NUP210L: variants seen among roughly 807,000 people sequenced by gnomAD.
NUP210L encodes nuclear pore membrane glycoprotein 210-like.
In NUP210L, 74 loss-of-function variants were observed where a neutral mutation model predicts 208.5. The ratio of observed to expected loss-of-function variants is 0.35; its 90% CI spans 0.29 to 0.43. The LOEUF is 0.43. Ranked by LOEUF, NUP210L falls within the 20% of genes least tolerant of loss-of-function variation. The probability of loss-of-function intolerance (pLI) is 1.00; values close to 1 mark genes in which losing one functional copy is unlikely to be tolerated. For missense variants in NUP210L, 1,843 were observed against 2,289.4 expected, an observed-to-expected ratio of 0.81 and a Z score of 3.98; for synonymous variants, 780 against 816.9, an observed-to-expected ratio of 0.95 and a Z score of 0.77.
intron 12 of NUP210L, among the ~76,000 whole-genome samples, chr1:154,108,458 GCA>G (rs1656881025): frequency 6.6e-6 from 1 of 151,966 alleles, no homozygotes; most frequent in Non-Finnish European, 1.5e-5. Context: ...ATGAGCCACT[GCA>G]ACCAGCCTAG....
chr1:154,113,178 AT>A (rs1657132834), intron 12 of NUP210L, among the ~76,000 whole-genome samples: 1 of 148,168 alleles, frequency 6.7e-6, no homozygotes, highest in South Asian at 2.1e-4. Context: ...ATATATATAT[AT>A]ATATAAAATT....
exon 22 of NUP210L, chr1:154,058,152 T>C: frequency 6.2e-7 from 1 of 1,614,166 alleles, no homozygotes. Context: ...GTATTTATTT[T>C]GGAATGGGCG....
chr1:154,144,288 A>C (rs1259382634), intron 2 of NUP210L, among the ~76,000 whole-genome samples: 1 of 152,150 alleles, frequency 6.6e-6, no homozygotes, highest in South Asian at 2.1e-4. Flanking sequence ...ATGGTAAAAA[A>C]TTTTCTTTTA....
intron 8 of NUP210L, among the ~76,000 whole-genome samples, chr1:154,128,198 G>A (rs145389109): frequency 3.9e-5 from 6 of 152,168 alleles, no homozygotes; most frequent in Non-Finnish European, 8.8e-5. Flanking sequence ...CTCTCAAATT[G>A]TATAAGGCTT....
intron 7 of NUP210L, 87 bp from the exon 8 acceptor site, chr1:154,129,432 T>C (rs1658139917): frequency 1.2e-6 from 1 of 831,988 alleles, no homozygotes; most frequent in Non-Finnish European, 2.0e-6. Flanking sequence ...AACAAACAAA[T>C]GCACAAATGA....
exon 15 of NUP210L, chr1:154,095,084 G>A (rs773571588): frequency 1.8e-5 from 29 of 1,613,944 alleles, no homozygotes; most frequent in Admixed American, 3.3e-5. Context: ...ATCCATGGAC[G>A]AGGACCCCCT....
chr1:154,129,204 T>C, intron 8 of NUP210L, 73 bp downstream of exon 8: 1 of 830,528 alleles, frequency 1.2e-6, no homozygotes, highest in Non-Finnish European at 2.0e-6. Flanking sequence ...GTTGAAGAAA[T>C]GCTGTATAAT....
At chr1:154,070,519 G>A (rs1303123547) in intron 16 of NUP210L, 54 bp from the exon 17 acceptor site, 1 of 1,177,416 alleles carries the variant, frequency 8.5e-7, no homozygotes, top group Non-Finnish European at 1.1e-6. Flanking sequence ...ATAGCCTAAG[G>A]GGTAGTAAGA....
At position 154,086,388 on chromosome 1, in the gene NUP210L, T is replaced by C. The variant is rs1334539376; in HGVS notation, c.2361+3033A>G. 2.6e-5 allele frequency among the ~76,000 whole-genome samples: 4 copies of C among 152,148 alleles called. No homozygotes were observed. The South Asian group carries it at 8.3e-4, about 31-fold the overall frequency. On this transcript the variant is annotated intron_variant, in intron 16 of 39. Transcript: ENST00000368559. ...AATAAATCAAAGGCATAAATCTTCATGCCCTTGGATTAGGCAATGATTTCT... is the reference window on the plus strand; with the variant it reads ...AATAAATCAAAGGCATAAATCTTCACGCCCTTGGATTAGGCAATGATTTCT...
chr1:154,016,293 G>A (rs1651243630), intron 33 of NUP210L, among the ~76,000 whole-genome samples: 1 of 151,698 alleles, frequency 6.6e-6, no homozygotes, highest in Admixed American at 6.6e-5. Context: ...CAAGCCCATA[G>A]TAGATACACA....
intron 24 of NUP210L, 71 bp downstream of exon 24, chr1:154,054,697 GGT>G (rs750808455): frequency 2.2e-4 from 232 of 1,038,452 alleles, no homozygotes; most frequent in Non-Finnish European, 2.8e-4. Context: ...TAGGAAGAGA[GGT>G]GTGTGTGTGT....
At chr1:154,118,157 A>C (rs1162085880) in intron 11 of NUP210L, among the ~76,000 whole-genome samples, 2 of 152,060 alleles carry the variant, frequency 1.3e-5, no homozygotes, top group Admixed American at 1.3e-4. Flanking sequence ...TAAAAATACA[A>C]AATTAGCTGG....
At chr1:154,112,592 A>G (rs1225564967) in intron 12 of NUP210L, among the ~76,000 whole-genome samples, 1 of 152,136 alleles carries the variant, frequency 6.6e-6, no homozygotes, top group Non-Finnish European at 1.5e-5. Flanking sequence ...GTACACCTGA[A>G]GATTAAAAAT....
chr1:154,103,977 A>T (rs368592330), intron 13 of NUP210L, 35 bp downstream of exon 13: 23 of 1,504,434 alleles, frequency 1.5e-5, no homozygotes, highest in Non-Finnish European at 2.0e-5. Flanking sequence ...ATAAATAAAG[A>T]CAAAGGAAGG....
At chr1:154,107,346 C>A (rs915389758) in intron 12 of NUP210L, among the ~76,000 whole-genome samples, 2 of 151,664 alleles carry the variant, frequency 1.3e-5, no homozygotes, top group African/African-American at 4.8e-5. Flanking sequence ...TGTTGGCGGG[C>A]GCCTGTAGTC....
At position 153,992,719 on chromosome 1, in the gene NUP210L, T is replaced by C. The variant is rs1649530585; in HGVS notation, c.*116A>G. On this transcript the variant is annotated 3_prime_UTR_variant, in exon 40 of 40. Transcript: ENST00000368559. ...AAGAAACAGCTTAGGATGCTTTATT[T>C]ATAGTTCTCAGAAGCCTTATCTGGA... 1.4e-5 allele frequency: 10 copies of C among 710,152 alleles called. No homozygotes were observed. The South Asian group carries it at 1.9e-4, about 14-fold the overall frequency. 44.0% of individuals were successfully genotyped at this position (710,152 alleles called of 1,614,324 possible).
At chr1:154,028,358 G>A (rs990224303) in intron 28 of NUP210L, among the ~76,000 whole-genome samples, 14 of 152,112 alleles carry the variant, frequency 9.2e-5, no homozygotes, top group Admixed American at 5.9e-4. Flanking sequence ...AGACCAAGAC[G>A]GGCAGATTAC....
In NUP210L at chr1:154,126,103, G is replaced by T. The variant is rs143632606; in HGVS notation, c.1326+220C>A. ...TTTAATGAAACCTGAAACCCCAAAT[G>T]ATATATACACAATGACCGCAAATGC... On this transcript the variant is annotated intron_variant, in intron 10 of 39. Coordinates refer to ENST00000368559, the Ensembl canonical transcript of NUP210L. Among the ~76,000 whole-genome samples, 113 of 152,168 alleles carry T rather than the reference G, an allele frequency of 7.4e-4. 1 individual carries two copies. The highest frequency in any genetic ancestry group is 2.6e-3 in the African/African-American group (110 of 41,518).
chr1:154,059,984 G>A (rs1167598943), intron 20 of NUP210L, among the ~76,000 whole-genome samples: 2 of 152,138 alleles, frequency 1.3e-5, no homozygotes, highest in East Asian at 3.9e-4. Context: ...TGGCGCAGTG[G>A]TTCACACCTG....
Sources: allele counts gnomAD v4.1 joint callset (sites outside exome capture counted in the v4.1 genomes callset), GRCh38; gene constraint gnomAD v4.1.1; transcripts MANE v1.5; gene names NCBI Gene and HGNC (gene_info 2026-07-23, HGNC 2026-07-21).